The following RARB variants were observed in gnomAD, a reference collection of about 807,000 sequenced individuals.
RARB encodes the protein HBV-activated protein.
RARB carries 17 observed loss-of-function variants against 51.9 expected under a neutral mutation model. The observed-to-expected ratio is 0.33, with a 90% CI of 0.22 to 0.49. The LOEUF (loss-of-function observed/expected upper bound fraction) is 0.49. Among genes scored for constraint, RARB ranks in the 20% least tolerant of loss-of-function variants. The pLI is 0.99. For synonymous variants in RARB, 215 were observed against 195.4 expected, an observed-to-expected ratio of 1.10 and a Z score of -0.84; for missense variants, 369 against 550.8, an observed-to-expected ratio of 0.67 and a Z score of 3.30.
At chr3:24,904,216 C>A (rs918570485) in intron 2 of RARB, among the ~76,000 whole-genome samples, 1 of 152,072 alleles carries the variant, frequency 6.6e-6, no homozygotes, top group African/African-American at 2.4e-5. Flanking sequence ...CTTAATAGGA[C>A]CATTTTGAGT....
chr3:25,063,418 G>A (rs1333335338), intron 3 of RARB, among the ~76,000 whole-genome samples: 1 of 151,944 alleles, frequency 6.6e-6, no homozygotes, highest in Non-Finnish European at 1.5e-5. Context: ...TACATTGTTT[G>A]CTTTCCATCC....
intron 3 of RARB, among the ~76,000 whole-genome samples, chr3:25,506,092 T>A (rs1327038159): frequency 6.6e-6 from 1 of 151,868 alleles, no homozygotes; most frequent in African/African-American, 2.4e-5. Context: ...AACCATTTTT[T>A]AAAAGAACCA....
At chr3:25,097,294 A>G (rs1376686702) in intron 3 of RARB, among the ~76,000 whole-genome samples, 1 of 152,336 alleles carries the variant, frequency 6.6e-6, no homozygotes, top group Non-Finnish European at 1.5e-5. Flanking sequence ...CAGGGAAACT[A>G]AAAGAGAAGC....
At chr3:24,984,256 G>A (rs1203893512) in intron 2 of RARB, among the ~76,000 whole-genome samples, 1 of 152,126 alleles carries the variant, frequency 6.6e-6, no homozygotes, top group African/African-American at 2.4e-5. Flanking sequence ...TAAATATAAA[G>A]CAATAGCAAC....
At chr3:25,548,978 G>A (rs895800253) in intron 3 of RARB, among the ~76,000 whole-genome samples, 6 of 152,058 alleles carry the variant, frequency 3.9e-5, no homozygotes, top group Non-Finnish European at 5.9e-5. Context: ...CCTGACTCAC[G>A]TTAGGAAGTA....
chr3:25,595,595 C>T (rs1459843699), intron 7 of RARB, among the ~76,000 whole-genome samples: 1 of 152,212 alleles, frequency 6.6e-6, no homozygotes, highest in African/African-American at 2.4e-5. Flanking sequence ...GATGACTAGA[C>T]TAGTGATATC....
chr3:25,264,399 T>G (rs1703077968), intron 5 of RARB, among the ~76,000 whole-genome samples: 1 of 152,132 alleles, frequency 6.6e-6, no homozygotes. Flanking sequence ...TAAGACCCAG[T>G]CTCCAGCAAA....
At chr3:24,920,306 A>T (rs1695190810) in intron 2 of RARB, among the ~76,000 whole-genome samples, 1 of 152,234 alleles carries the variant, frequency 6.6e-6, no homozygotes, top group Admixed American at 6.5e-5. Context: ...TAGAACAAAT[A>T]TTTCCTTAAT....
At chr3:25,079,906 T>C (rs62228546) in intron 3 of RARB, among the ~76,000 whole-genome samples, 6,262 of 152,330 alleles carry the variant, frequency 0.041, 170 homozygotes, top group Middle Eastern at 0.075. Context: ...AAGGGTTTTA[T>C]TCTATTTTCT....
chr3:25,428,790 C>T lies in RARB; in HGVS notation c.59C>T (p.Thr20Ile). 1.2e-6 allele frequency: 2 copies of T among 1,614,186 alleles called. No homozygotes were observed. ...VSPGQILDFY[T>I]ASPSSCMLQE... is the part of the protein sequence containing the mutation. ...CCTGGGCAAATCCTGGATTTCTACA[C>T]TGCGAGTCCGTCTTCCTGCATGCTC... Residue 20 changes from threonine to isoleucine, a missense_variant, in exon 1 of 8, where the codon ACT becomes ATT. Thr to Ile is a moderately conservative substitution (Grantham distance 89). Around this residue, in one of 9 missense-constraint regions of RARB, gnomAD observed 99 missense variants for 95.1 expected, o/e 1.04. Transcript: ENST00000330688.
intron 5 of RARB, among the ~76,000 whole-genome samples, chr3:25,365,621 C>G (rs556818251): frequency 6.6e-6 from 1 of 152,204 alleles, no homozygotes; most frequent in South Asian, 2.1e-4. Context: ...AAAAAATGTC[C>G]AAAGTCCAAG....
intron 2 of RARB, among the ~76,000 whole-genome samples, chr3:24,933,415 C>T (rs1333587026): frequency 2.0e-5 from 3 of 151,936 alleles, no homozygotes; most frequent in African/African-American, 7.3e-5. Context: ...AGTTTTTGTA[C>T]CCTGACAAGA....
chr3:25,005,906 C>T (rs1269865496), intron 2 of RARB, among the ~76,000 whole-genome samples: 1 of 151,966 alleles, frequency 6.6e-6, no homozygotes, highest in African/African-American at 2.4e-5. Context: ...ATTATGCAGC[C>T]CCATTATTAC....
In RARB at chr3:25,447,023, A is replaced by C. The variant is rs1028977400; in HGVS notation, c.158-14170A>C. ...ATAACAGAGATTTAAAAAAAGAAAA[A>C]AAAAAACTGATCGTGTTAATAATCC... is the stretch of plus-strand genomic sequence containing the variant. On this transcript the variant is annotated intron_variant, in intron 1 of 7. Coordinates refer to ENST00000330688, the MANE Select transcript of RARB (RefSeq NM_000965.5). 7.9e-5 allele frequency among the ~76,000 whole-genome samples: 12 copies of C among 152,000 alleles called. No individual in the cohort carries two copies. The East Asian group carries it at 2.3e-3, about 29-fold the overall frequency.
intron 5 of RARB, among the ~76,000 whole-genome samples, chr3:25,214,298 T>G (rs1701768007): frequency 2.0e-5 from 3 of 152,132 alleles, no homozygotes; most frequent in African/African-American, 7.2e-5. Context: ...AGCGATTAAC[T>G]TGAGCAAATG....
intron 5 of RARB, among the ~76,000 whole-genome samples, chr3:25,257,261 C>A (rs140884545): frequency 6.6e-6 from 1 of 152,004 alleles, no homozygotes; most frequent in Non-Finnish European, 1.5e-5. Context: ...TGCTCCATTC[C>A]GGGTACCACA....
rs185654528 is a variant in RARB at position 24,863,383 on chromosome 3, C to A, written c.-380+4631C>A. Among the ~76,000 whole-genome samples, 3 of 152,268 alleles carry A rather than the reference C, an allele frequency of 2.0e-5. No individual in the cohort carries two copies. In the East Asian group the frequency reaches 5.8e-4, roughly 29 times the overall value. On this transcript the variant is annotated intron_variant, in intron 2 of 11. Coordinates refer to the RARB transcript ENST00000383772. Reference sequence around the variant, plus strand: ...AAACGCTGATAGTTAAACAGTGATACTGTGTGAAGCACTTGGAGTCTCTAT... The same window carrying A: ...AAACGCTGATAGTTAAACAGTGATAATGTGTGAAGCACTTGGAGTCTCTAT...
At chr3:25,486,496 C>T (rs779750321) in intron 2 of RARB, among the ~76,000 whole-genome samples, 1 of 152,200 alleles carries the variant, frequency 6.6e-6, no homozygotes, top group Non-Finnish European at 1.5e-5. Context: ...TGCAACCTTC[C>T]ACCCATCCAT....
intron 5 of RARB, among the ~76,000 whole-genome samples, chr3:25,188,118 G>T (rs934952447): frequency 1.3e-4 from 19 of 151,968 alleles, no homozygotes; most frequent in Non-Finnish European, 2.1e-4. Flanking sequence ...CATATATATT[G>T]TATATGTTTT....
Sources: allele counts gnomAD v4.1 joint callset (sites outside exome capture counted in the v4.1 genomes callset), GRCh38; gene constraint gnomAD v4.1.1; regional missense constraint gnomAD v4.1.1; transcripts MANE v1.5; gene names NCBI Gene and HGNC (gene_info 2026-07-23, HGNC 2026-07-21).